Variants in GRHL1 observed in about 807,000 individuals in gnomAD.
GRHL1 encodes the protein grainyhead-like protein 1 homolog.
GRHL1 carries 38 observed loss-of-function variants against 75.7 expected under a neutral mutation model. That is an observed-to-expected ratio of 0.50 (90% CI 0.39 to 0.66). GRHL1 has a LOEUF of 0.66. Ranked by LOEUF, GRHL1 falls within the 30% of genes least tolerant of loss-of-function variation. The probability of loss-of-function intolerance (pLI) is 0.00; values close to 1 mark genes in which losing one functional copy is unlikely to be tolerated. For synonymous variants in GRHL1, 266 were observed against 279.4 expected (o/e 0.95, Z 0.48); for missense variants, 589 against 767.5 (o/e 0.77, Z 2.75).
At chr2:9,980,572 A>T (rs1410203476) in intron 8 of GRHL1, among the ~76,000 whole-genome samples, 1 of 152,228 alleles carries the variant, frequency 6.6e-6, no homozygotes, top group Non-Finnish European at 1.5e-5. Flanking sequence ...GTTTGTGGTT[A>T]GTTTTTTTCT....
At chr2:9,977,215 A>G (rs1192719949) in intron 8 of GRHL1, among the ~76,000 whole-genome samples, 2 of 152,230 alleles carry the variant, frequency 1.3e-5, no homozygotes, top group East Asian at 1.9e-4. Flanking sequence ...ACTTGTTGAA[A>G]TAAGATTTGG....
intron 8 of GRHL1, among the ~76,000 whole-genome samples, chr2:9,978,427 G>A (rs1668044356): frequency 6.6e-6 from 1 of 152,110 alleles, no homozygotes; most frequent in Non-Finnish European, 1.5e-5. Flanking sequence ...AAAATTCAGG[G>A]GCAGAGAAAA....
chr2:9,974,106 G>A (rs575203969), intron 8 of GRHL1, among the ~76,000 whole-genome samples: 2 of 152,348 alleles, frequency 1.3e-5, no homozygotes, highest in South Asian at 4.1e-4. Context: ...CACTGTGGCA[G>A]TGTGGTTTTG....
rs762176409 is a variant in GRHL1 at position 9,955,126 on chromosome 2, C to G, written c.207+25C>G. The G allele has an allele frequency of 2.0e-6, 3 of 1,516,516 alleles. No individual in the cohort carries two copies. The South Asian group carries it at 3.5e-5, about 18-fold the overall frequency. The allele number at this position is 1,516,516 out of a possible 1,614,324, so 93.9% of individuals were successfully genotyped here. A position where few individuals can be genotyped will look rare whatever the true frequency, so the allele number is the denominator to read the frequency against. ...GGTGGGTTTGCCTGCCTTTAAAACC[C>G]TTAACAGCAGTCTCCAATGCACTTG... On this transcript the variant is annotated intron_variant, in intron 2 of 15. Coordinates refer to ENST00000324907, the MANE Select transcript of GRHL1 (RefSeq NM_198182.3).
In GRHL1 at chr2:9,951,700, G is replaced by A; in HGVS notation, c.-134G>A. ...CCCGCGCGGAGCCGGCTCAGAGCGA[G>A]AAAAGCAAACCCAACCCGTCGGGGC... is the stretch of plus-strand genomic sequence containing the variant. On this transcript the variant is annotated 5_prime_UTR_variant, in exon 1 of 16. Transcript: ENST00000324907. This position sits in a 1 kb window ranked among gnomAD's most constrained non-coding sequence, Gnocchi z 4.2. 1 of 808,762 alleles carries A rather than the reference G, an allele frequency of 1.2e-6. No homozygotes were observed. The highest frequency in any genetic ancestry group is 1.6e-5 in the South Asian group (1 of 60,968). 50.1% of individuals were successfully genotyped at this position (808,762 alleles called of 1,614,324 possible). A position where few individuals can be genotyped will look rare whatever the true frequency, so the allele number is the denominator to read the frequency against.
chr2:9,963,776 T>C, intron 5 of GRHL1, 110 bp from the exon 6 acceptor site: 2 of 724,620 alleles, frequency 2.8e-6, no homozygotes, highest in Non-Finnish European at 4.4e-6. Context: ...AGTACTTTTG[T>C]TTCAGATTTT....
At chr2:9,964,383 T>C in intron 7 of GRHL1, 37 bp downstream of exon 7, 1 of 1,077,112 alleles carries the variant, frequency 9.3e-7, no homozygotes, top group Non-Finnish European at 1.4e-6. Flanking sequence ...TTCCCAGAGG[T>C]GCAGCCATCC....
intron 8 of GRHL1, among the ~76,000 whole-genome samples, chr2:9,976,499 G>A (rs564725272): frequency 2.0e-5 from 3 of 152,190 alleles, no homozygotes; most frequent in East Asian, 1.9e-4. Context: ...TTGGAGGTTC[G>A]TTGAGGCTGT....
At chr2:9,985,014 G>A (rs1668355616) in intron 8 of GRHL1, among the ~76,000 whole-genome samples, 1 of 151,286 alleles carries the variant, frequency 6.6e-6, no homozygotes, top group South Asian at 2.1e-4. Flanking sequence ...GTTGCAGTGA[G>A]CTGAGATCAC....
chr2:9,977,639 A>C (rs963082467), intron 8 of GRHL1, among the ~76,000 whole-genome samples: 2 of 152,198 alleles, frequency 1.3e-5, no homozygotes, highest in Non-Finnish European at 2.9e-5. Flanking sequence ...AATTTTTAAA[A>C]TGAACAACAT....
At position 9,990,157 on chromosome 2, in the gene GRHL1, T is replaced by C. The variant is rs532308745; in HGVS notation, c.1270-539T>C. On this transcript the variant is annotated intron_variant, in intron 9 of 15. Transcript: ENST00000324907. This position sits in a 1 kb window ranked among gnomAD's most constrained non-coding sequence, Gnocchi z 4.2. The stretch of plus-strand genomic sequence containing the variant: ...ATCCATTATAAGGAGAAATTTTGCT[T>C]TTTTTTTTTGAGACAGAGTTTCGCT... Among the ~76,000 whole-genome samples the C allele has an allele frequency of 4.0e-5, 6 of 150,228 alleles. No individual in the cohort carries two copies. The South Asian group carries it at 8.4e-4, about 21-fold the overall frequency.
At chr2:9,981,861 C>T (rs373378827) in intron 8 of GRHL1, among the ~76,000 whole-genome samples, 2 of 152,220 alleles carry the variant, frequency 1.3e-5, no homozygotes, top group African/African-American at 2.4e-5. Context: ...GTGAGGAAGA[C>T]ATCACATCAT....
In GRHL1 at chr2:9,951,802, G is replaced by C. The variant is rs1003493781; in HGVS notation, c.-32G>C. On this transcript the variant is annotated 5_prime_UTR_variant, in exon 1 of 16. Transcript: ENST00000324907. The surrounding 1 kb of genome is among the most constrained non-coding windows in gnomAD (Gnocchi z 4.2). ...TGTACTGTCCCAACCCGAAAGTCCA[G>C]TTCTGCGGCCCGGCAGCGGCGAGCG... 1 of 1,526,934 alleles carries C rather than the reference G, an allele frequency of 6.5e-7. No individual in the cohort carries two copies. Among genetic ancestry groups the C allele is most frequent in the Non-Finnish European group, 8.8e-7 (1 of 1,135,782 alleles). 94.6% of individuals were successfully genotyped at this position (1,526,934 alleles called of 1,614,324 possible).
chr2:9,983,790 A>T (rs4989185), intron 8 of GRHL1, among the ~76,000 whole-genome samples: 34,615 of 145,692 alleles, frequency 0.24, 4,264 homozygotes, highest in Admixed American at 0.33. Flanking sequence ...TTTTTTTTTT[A>T]AACCTGAATG....
In GRHL1 at chr2:9,968,388, A is replaced by G. The variant is rs1386001963; in HGVS notation, c.1110+3007A>G. Among the ~76,000 whole-genome samples the G allele has an allele frequency of 1.3e-5, 2 of 152,184 alleles. No individual in the cohort carries two copies. Among genetic ancestry groups the G allele is most frequent in the Admixed American group, 6.5e-5 (1 of 15,274 alleles). ...GTCTCAGAAACAGGCCCTTAGTGGG[A>G]TTTGTCTGCTGTGTAGACGTATTTC... On this transcript the variant is annotated intron_variant, in intron 8 of 15. Transcript: ENST00000324907. The surrounding 1 kb of genome is among the most constrained non-coding windows in gnomAD (Gnocchi z 4.7).
At chr2:9,964,714 A>T (rs1667416092) in intron 7 of GRHL1, 2 of 185,374 alleles carry the variant, frequency 1.1e-5, no homozygotes, top group Non-Finnish European at 2.3e-5. Flanking sequence ...AACAAGTAAA[A>T]GAAAGATATT....
chr2:9,976,062 C>T (rs1667935882), intron 8 of GRHL1, among the ~76,000 whole-genome samples: 1 of 152,038 alleles, frequency 6.6e-6, no homozygotes, highest in South Asian at 2.1e-4. Flanking sequence ...ACCACAGCAG[C>T]ATGTAGTTTT....
In GRHL1 at chr2:9,987,461, A is replaced by G. The variant is rs553617730; in HGVS notation, c.1269+1179A>G. Among the ~76,000 whole-genome samples the G allele has an allele frequency of 7.2e-5, 11 of 152,308 alleles. No homozygotes were observed. In the South Asian group the frequency reaches 1.0e-3, roughly 14 times the overall value. ...TGGAAGTGTAGGCAGTCACCCCTGC[A>G]CGGGAGCTCTTCCTTAGCTGTGTCC... is the stretch of plus-strand genomic sequence containing the variant. On this transcript the variant is annotated intron_variant, in intron 9 of 15. Transcript: ENST00000324907. This position sits in a 1 kb window ranked among gnomAD's most constrained non-coding sequence, Gnocchi z 4.2.
chr2:9,986,134 CTG>C lies in GRHL1; in HGVS notation c.1124_1125del (p.Val375GlufsTer19). On this transcript the variant is annotated frameshift_variant, in exon 9 of 16. Transcript: ENST00000324907. LOFTEE classifies it high-confidence loss of function. Reference sequence around the variant, plus strand: ...CTCTTCCCTTGGCAGGTTTTCATCTCTGTGAACTGCTTAAGCACAGATTTCTC... The same window carrying C: ...CTCTTCCCTTGGCAGGTTTTCATCTCTGAACTGCTTAAGCACAGATTTCTC... 6.2e-7 allele frequency: 1 copy of C among 1,609,146 alleles called. No homozygotes were observed. The highest frequency in any genetic ancestry group is 8.5e-7 in the Non-Finnish European group (1 of 1,177,888).
Sources: allele counts gnomAD v4.1 joint callset (sites outside exome capture counted in the v4.1 genomes callset), GRCh38; gene constraint gnomAD v4.1.1; non-coding constraint Gnocchi (gnomAD v3.1); transcripts MANE v1.5; gene names NCBI Gene and HGNC (gene_info 2026-07-23, HGNC 2026-07-21).